Variants in NLGN1 observed in about 807,000 individuals in gnomAD.
NLGN1 encodes the protein neuroligin 1, also known as neuroligin-1.
A neutral mutation model predicts 65.5 loss-of-function variants in NLGN1; 12 were observed. That is an observed-to-expected ratio of 0.18 (90% CI 0.12 to 0.30). The LOEUF (loss-of-function observed/expected upper bound fraction) is 0.30, where lower values mean the gene tolerates loss of function less well. Ranked by LOEUF, NLGN1 falls within the 10% of genes least tolerant of loss-of-function variation. The probability of loss-of-function intolerance (pLI) is 1.00; values close to 1 mark genes in which losing one functional copy is unlikely to be tolerated. For synonymous variants in NLGN1, 350 were observed against 359.5 expected (o/e 0.97, Z 0.30); for missense variants, 750 against 1,007.1 (o/e 0.74, Z 3.46).
rs139713338 is a variant in NLGN1, at chr3:173,460,385, T to G, written c.-321+25307T>G. Among the ~76,000 whole-genome samples the G allele has an allele frequency of 3.0e-3, 452 of 152,164 alleles. 3 individuals carry two copies. The highest frequency in any genetic ancestry group is 4.3e-3 in the Non-Finnish European group (294 of 67,982). On this transcript the variant is annotated intron_variant, in intron 2 of 6. Coordinates refer to ENST00000457714, the Ensembl canonical transcript of NLGN1. ...TGAGGAGATCAGACATGTACAAAATTATAAAAAGCTGGGACAGTAAGAAGA... is the reference window on the plus strand; with the variant it reads ...TGAGGAGATCAGACATGTACAAAATGATAAAAAGCTGGGACAGTAAGAAGA...
At chr3:173,997,858 T>C (rs1444696853) in intron 4 of NLGN1, among the ~76,000 whole-genome samples, 1 of 152,190 alleles carries the variant, frequency 6.6e-6, no homozygotes, top group Admixed American at 6.5e-5. Flanking sequence ...GATTCTAGTA[T>C]TTTGGTTCTA....
chr3:173,796,622 C>T (rs1213392089), intron 3 of NLGN1, among the ~76,000 whole-genome samples: 1 of 152,050 alleles, frequency 6.6e-6, no homozygotes, highest in Non-Finnish European at 1.5e-5. Context: ...TGTGTGTGTT[C>T]CTCAGGGAGG....
intron 4 of NLGN1, among the ~76,000 whole-genome samples, chr3:174,155,079 T>G (rs1725195046): frequency 8.6e-6 from 1 of 116,742 alleles, no homozygotes; most frequent in Non-Finnish European, 1.6e-5. Context: ...TATATTATTT[T>G]AAATATTTAA....
upstream of NLGN1, chr3:173,396,261 T>C (rs1716626751): frequency 6.6e-6 from 1 of 152,326 alleles, no homozygotes; most frequent in African/African-American, 2.4e-5. Flanking sequence ...TTTAATTTTT[T>C]TCCTTCTCCC....
At chr3:174,121,982 TCTC>T (rs1717875228) in intron 4 of NLGN1, among the ~76,000 whole-genome samples, 2 of 152,162 alleles carry the variant, frequency 1.3e-5, no homozygotes, top group Admixed American at 1.3e-4. Context: ...ACACCCACGC[TCTC>T]CTCCATCTAT....
chr3:174,097,922 G>A (rs1195540029), intron 4 of NLGN1, among the ~76,000 whole-genome samples: 2 of 152,104 alleles, frequency 1.3e-5, no homozygotes, highest in African/African-American at 4.8e-5. Flanking sequence ...ATAACTGCCC[G>A]CCATTTAACT....
chr3:174,156,820 C>T (rs979924080), intron 4 of NLGN1, among the ~76,000 whole-genome samples: 6 of 151,694 alleles, frequency 4.0e-5, no homozygotes, highest in African/African-American at 1.4e-4. Flanking sequence ...TGCAAAGCTA[C>T]GTGGCAAGTT....
At position 173,489,984 on chromosome 3, in the gene NLGN1, A is replaced by G. The variant is rs556045079; in HGVS notation, c.-321+54906A>G. Among the ~76,000 whole-genome samples, 15 of 152,272 alleles carry G rather than the reference A, an allele frequency of 9.9e-5. 1 individual carries two copies. The highest frequency in any genetic ancestry group is 2.0e-4 in the Admixed American group (3 of 15,292). On this transcript the variant is annotated intron_variant, in intron 2 of 6. Transcript: ENST00000457714. Reference sequence around the variant, plus strand: ...GTGTTGTTTGTAGATTGTGGATATTAGCCCGTTGTCAGATGAGTAGGTTGC... The same window carrying G: ...GTGTTGTTTGTAGATTGTGGATATTGGCCCGTTGTCAGATGAGTAGGTTGC...
intron 3 of NLGN1, among the ~76,000 whole-genome samples, chr3:173,801,931 T>C (rs1715531664): frequency 6.6e-6 from 1 of 152,132 alleles, no homozygotes; most frequent in African/African-American, 2.4e-5. Flanking sequence ...TTTCCAAAAC[T>C]ATAAGAAGAC....
chr3:173,853,422 T>C (rs2150751900), intron 4 of NLGN1, among the ~76,000 whole-genome samples: 1 of 152,276 alleles, frequency 6.6e-6, no homozygotes, highest in African/African-American at 2.4e-5. Flanking sequence ...AATAATAGAT[T>C]TGTCTTTCTC....
exon 7 of NLGN1, chr3:174,282,940 G>T (rs956422163): frequency 1.3e-5 from 2 of 151,814 alleles, no homozygotes; most frequent in African/African-American, 2.4e-5. Flanking sequence ...AAGAATGAAA[G>T]ATTATTATAC....
chr3:173,913,273 G>T (rs774996445), intron 4 of NLGN1, among the ~76,000 whole-genome samples: 3 of 152,154 alleles, frequency 2.0e-5, no homozygotes, highest in Non-Finnish European at 1.5e-5. Context: ...AGAGCAGTTT[G>T]CAAGATTGAT....
intron 4 of NLGN1, among the ~76,000 whole-genome samples, chr3:173,820,673 T>A (rs1004213701): frequency 5.9e-5 from 9 of 152,202 alleles, no homozygotes; most frequent in African/African-American, 1.9e-4. Context: ...ATAACAGTTA[T>A]GTAAATCTAG....
intron 4 of NLGN1, among the ~76,000 whole-genome samples, chr3:173,943,022 T>C (rs1388669098): frequency 1.3e-5 from 2 of 152,054 alleles, no homozygotes; most frequent in Non-Finnish European, 2.9e-5. Flanking sequence ...ACCAGGAGTC[T>C]GAGACCCTCC....
intron 1 of NLGN1, among the ~76,000 whole-genome samples, chr3:173,431,283 G>A (rs73178901): frequency 0.068 from 10,324 of 152,038 alleles, 434 homozygotes; most frequent in Non-Finnish European, 0.096. Flanking sequence ...CCATTTCTCC[G>A]AGGATAATTG....
intron 3 of NLGN1, among the ~76,000 whole-genome samples, chr3:173,742,905 T>G (rs985627639): frequency 6.6e-6 from 1 of 152,160 alleles, no homozygotes; most frequent in South Asian, 2.1e-4. Context: ...CCTCCAGATT[T>G]GAGGGGGTTG....
At chr3:173,817,539 T>C (rs185139632) in intron 4 of NLGN1, among the ~76,000 whole-genome samples, 2 of 152,314 alleles carry the variant, frequency 1.3e-5, no homozygotes, top group African/African-American at 4.8e-5. Context: ...ATCTATTTTT[T>C]ACACAAAGAG....
intron 4 of NLGN1, among the ~76,000 whole-genome samples, chr3:173,998,999 C>T (rs1722788466): frequency 6.6e-6 from 1 of 152,186 alleles, no homozygotes; most frequent in Non-Finnish European, 1.5e-5. Flanking sequence ...TCGCACACAC[C>T]AACAAAGGAA....
chr3:173,689,890 G>A (rs1765214653), intron 3 of NLGN1, among the ~76,000 whole-genome samples: 1 of 152,070 alleles, frequency 6.6e-6, no homozygotes, highest in Admixed American at 6.6e-5. Flanking sequence ...TACTTCTATG[G>A]AGCCCATGTT....
Sources: allele counts gnomAD v4.1 joint callset (sites outside exome capture counted in the v4.1 genomes callset), GRCh38; gene constraint gnomAD v4.1.1; transcripts MANE v1.5; gene names NCBI Gene and HGNC (gene_info 2026-07-23, HGNC 2026-07-21).